The following GRB2 variants were observed in gnomAD, a reference collection of about 807,000 sequenced individuals.
GRB2 encodes growth factor receptor-bound protein 2.
GRB2 carries 2 observed loss-of-function variants against 27.4 expected under a neutral mutation model. The ratio of observed to expected loss-of-function variants is 0.07; its 90% CI spans 0.03 to 0.23. GRB2 has a LOEUF of 0.23. Ranked by LOEUF, GRB2 falls within the 10% of genes least tolerant of loss-of-function variation. The pLI, the probability that GRB2 is intolerant of heterozygous loss-of-function variation, is 1.00. For synonymous variants in GRB2, 94 were observed against 99.6 expected (o/e 0.94, Z 0.33); for missense variants, 102 against 282.4 (o/e 0.36, Z 4.58).
At chr17:75,331,914 G>A (rs1237017802) in intron 3 of GRB2, among the ~76,000 whole-genome samples, 1 of 152,176 alleles carries the variant, frequency 6.6e-6, no homozygotes, top group Admixed American at 6.5e-5. Flanking sequence ...TCCCACTCAA[G>A]ATGCGACAAG....
intron 2 of GRB2, among the ~76,000 whole-genome samples, chr17:75,333,098 C>A (rs995373610): frequency 6.6e-6 from 1 of 150,852 alleles, no homozygotes; most frequent in Non-Finnish European, 1.5e-5. Flanking sequence ...TTTTTTAAGA[C>A]GGAGTCTTGC....
chr17:75,371,684 A>G (rs2078857637), intron 2 of GRB2: 1 of 151,952 alleles, frequency 6.6e-6, no homozygotes, highest in South Asian at 2.1e-4. Context: ...AGAGGTGGCC[A>G]AGGCACGTAA....
At position 75,393,617 on chromosome 17, in the gene GRB2, G is replaced by T. The variant is rs1294430501; in HGVS notation, c.12C>A (p.Ile4=). The change falls in exon 2 of 6, where the codon ATC becomes ATA. Residue 4 remains isoleucine (I), a synonymous_variant. Coordinates refer to ENST00000316804, the MANE Select transcript of GRB2 (RefSeq NM_002086.5). MEA[I]AKYDFKATAD... is the part of the protein sequence containing the mutation. Reference sequence around the variant, plus strand: ...CAGTAGCTTTGAAGTCATATTTGGCGATGGCTTCCATTCTGAGCGCTGCTC... The same window carrying T: ...CAGTAGCTTTGAAGTCATATTTGGCTATGGCTTCCATTCTGAGCGCTGCTC... 1.9e-6 allele frequency: 3 copies of T among 1,613,804 alleles called. No homozygotes were observed. Among genetic ancestry groups the T allele is most frequent in the African/African-American group, 2.7e-5 (2 of 74,916 alleles).
chr17:75,324,509 T>G (rs11653912), intron 4 of GRB2, among the ~76,000 whole-genome samples: 1 of 86,962 alleles, frequency 1.1e-5, no homozygotes, highest in Non-Finnish European at 2.1e-5. Flanking sequence ...CGCACCCAGT[T>G]TTTTTTTTTT....
chr17:75,374,232 C>T (rs939538276), intron 2 of GRB2, among the ~76,000 whole-genome samples: 7 of 151,360 alleles, frequency 4.6e-5, no homozygotes, highest in African/African-American at 1.2e-4. Context: ...ATGGTTAAAC[C>T]GTCTCTACTA....
At chr17:75,348,609 A>G (rs2078669090) in intron 2 of GRB2, among the ~76,000 whole-genome samples, 1 of 152,198 alleles carries the variant, frequency 6.6e-6, no homozygotes, top group Non-Finnish European at 1.5e-5. Flanking sequence ...GGAAATAAGT[A>G]AAAAAGTGAG....
intron 2 of GRB2, among the ~76,000 whole-genome samples, chr17:75,363,747 C>T (rs997098067): frequency 6.6e-6 from 1 of 151,728 alleles, no homozygotes; most frequent in Non-Finnish European, 1.5e-5. Flanking sequence ...GTAGTCCCAG[C>T]TACTCGGGAG....
At chr17:75,387,690 C>T (rs559790231) in intron 2 of GRB2, 3 of 151,822 alleles carry the variant, frequency 2.0e-5, no homozygotes, top group African/African-American at 4.8e-5. Context: ...CCCATCTACT[C>T]GGGAGGCTGA....
intron 2 of GRB2, among the ~76,000 whole-genome samples, chr17:75,342,424 TTCTC>T (rs1157930594): frequency 2.0e-5 from 3 of 152,118 alleles, no homozygotes; most frequent in Non-Finnish European, 2.9e-5. Flanking sequence ...AATTTATACA[TTCTC>T]TCTCTTCTTT....
chr17:75,335,651 ATGC>A (rs751907168), intron 2 of GRB2, among the ~76,000 whole-genome samples: 6 of 152,220 alleles, frequency 3.9e-5, no homozygotes, highest in Non-Finnish European at 7.3e-5. Flanking sequence ...CTGGGTTTCA[ATGC>A]TTAGGATAAG....
At chr17:75,368,513 G>A (rs1420351985) in intron 2 of GRB2, among the ~76,000 whole-genome samples, 1 of 151,522 alleles carries the variant, frequency 6.6e-6, no homozygotes, top group Admixed American at 6.6e-5. Flanking sequence ...GTGACCCACT[G>A]CGTCAGGCGT....
chr17:75,373,758 TACTC>T (rs1228124064), intron 2 of GRB2: 5 of 151,640 alleles, frequency 3.3e-5, no homozygotes, highest in Admixed American at 6.6e-5. Context: ...GCTTAGGAGA[TACTC>T]AATAATTTGT....
chr17:75,377,199 T>C (rs1487794441), intron 2 of GRB2, among the ~76,000 whole-genome samples: 1 of 151,948 alleles, frequency 6.6e-6, no homozygotes, highest in Non-Finnish European at 1.5e-5. Context: ...TGCGCATCTG[T>C]AGTCCCAGCT....
intron 2 of GRB2, among the ~76,000 whole-genome samples, chr17:75,358,701 A>T (rs897711563): frequency 4.9e-4 from 3 of 6,096 alleles, no homozygotes; most frequent in African/African-American, 9.7e-4. Flanking sequence ...CATCTCTACT[A>T]AAAAAAAAAA....
intron 2 of GRB2, among the ~76,000 whole-genome samples, chr17:75,346,891 C>T (rs984411412): frequency 2.6e-5 from 4 of 152,062 alleles, no homozygotes; most frequent in African/African-American, 9.7e-5. Flanking sequence ...CTGTAAGAAC[C>T]ACATCAACAG....
At chr17:75,359,250 T>G (rs1036063579) in intron 2 of GRB2, among the ~76,000 whole-genome samples, 9 of 150,720 alleles carry the variant, frequency 6.0e-5, no homozygotes, top group Non-Finnish European at 1.2e-4. Flanking sequence ...CTCATACATG[T>G]GATCTAGCAC....
chr17:75,379,870 C>T (rs2078916752), intron 2 of GRB2, among the ~76,000 whole-genome samples: 1 of 152,168 alleles, frequency 6.6e-6, no homozygotes, highest in African/African-American at 2.4e-5. Flanking sequence ...GAAACATGAA[C>T]CTCTGGAAAA....
At chr17:75,336,681 T>C (rs1161604095) in intron 2 of GRB2, among the ~76,000 whole-genome samples, 1 of 152,174 alleles carries the variant, frequency 6.6e-6, no homozygotes, top group East Asian at 1.9e-4. Context: ...TGGTGTTTAG[T>C]ATGTTTTTCT....
chr17:75,398,499 G>C (rs2079043028), intron 1 of GRB2, among the ~76,000 whole-genome samples: 1 of 151,592 alleles, frequency 6.6e-6, no homozygotes, highest in South Asian at 2.1e-4. Context: ...AAGCTCAACA[G>C]ATCTGCCTGC....
Sources: gnomAD v4.1 joint callset for allele counts (sites outside exome capture counted in the v4.1 genomes callset) on GRCh38, gnomAD v4.1.1 for gene constraint, MANE v1.5 for transcripts, NCBI Gene and HGNC (gene_info 2026-07-23, HGNC 2026-07-21) for gene names.